The following NLK variants were observed in gnomAD, a reference collection of about 807,000 sequenced individuals.
The protein encoded by NLK is nemo like kinase, also known as serine/threonine-protein kinase NLK.
A neutral mutation model predicts 59.0 loss-of-function variants in NLK; 11 were observed. The ratio of observed to expected loss-of-function variants is 0.19; its 90% confidence interval spans 0.12 to 0.31. NLK has a LOEUF of 0.31. Among genes scored for constraint, NLK ranks in the 10% least tolerant of loss-of-function variants. The probability of loss-of-function intolerance (pLI) is 1.00; values close to 1 mark genes in which losing one functional copy is unlikely to be tolerated. For synonymous variants in NLK, 235 were observed against 235.9 expected, an observed-to-expected ratio of 1.00 and a Z score of 0.03; for missense variants, 410 against 661.1, an observed-to-expected ratio of 0.62 and a Z score of 4.16.
At chr17:28,144,396 C>CA (rs984366292) in intron 3 of NLK, among the ~76,000 whole-genome samples, 31,863 of 81,202 alleles carry the variant, frequency 0.39, 4,911 homozygotes, top group East Asian at 0.62. Flanking sequence ...CAGGTGAAGC[C>CA]AAAAAAAAAA....
chr17:28,128,819 A>C (rs956999378), intron 2 of NLK, among the ~76,000 whole-genome samples: 1 of 152,210 alleles, frequency 6.6e-6, no homozygotes, highest in Non-Finnish European at 1.5e-5. Context: ...AAGAGAAATG[A>C]ATGCATATAT....
chr17:28,130,054 T>C (rs1906454194), intron 2 of NLK, among the ~76,000 whole-genome samples: 1 of 152,240 alleles, frequency 6.6e-6, no homozygotes, highest in South Asian at 2.1e-4. Context: ...TAGACAAGTC[T>C]GCTTGTATTT....
At chr17:28,111,179 CTGTTTGTTCGTT>C (rs1354227819) in intron 1 of NLK, among the ~76,000 whole-genome samples, 8 of 150,464 alleles carry the variant, frequency 5.3e-5, no homozygotes, top group Admixed American at 2.0e-4. Context: ...GAAACAGTTT[CTGTTTGTTCGTT>C]TGTTTGTTCG....
intron 5 of NLK, 34 bp downstream of exon 5, chr17:28,163,662 A>T: frequency 8.1e-7 from 1 of 1,240,288 alleles, no homozygotes; most frequent in Non-Finnish European, 1.2e-6. Context: ...ACCTGGGAAA[A>T]ATCAGAATGT....
At chr17:28,115,229 C>T (rs73989106) in intron 1 of NLK, among the ~76,000 whole-genome samples, 1,704 of 152,186 alleles carry the variant, frequency 0.011, 29 homozygotes, top group African/African-American at 0.039. Flanking sequence ...GTGCAAGTCC[C>T]TTCTTCCTCC....
At chr17:28,051,111 G>A (rs147731187) in intron 1 of NLK, among the ~76,000 whole-genome samples, 2 of 150,114 alleles carry the variant, frequency 1.3e-5, no homozygotes, top group East Asian at 1.9e-4. Context: ...AGAAAATTAA[G>A]ATGGAGAAAA....
At chr17:28,089,883 TTG>T (rs1299576497) in intron 1 of NLK, among the ~76,000 whole-genome samples, 2 of 152,192 alleles carry the variant, frequency 1.3e-5, no homozygotes, top group African/African-American at 2.4e-5. Flanking sequence ...TTAAAAAAAA[TTG>T]TGTGTGTATT....
rs370252797 is a variant in NLK at position 28,132,663 on chromosome 17, A to G, written c.632A>G (p.Tyr211Cys). The G allele has an allele frequency of 1.6e-5, 25 of 1,609,952 alleles. No individual in the cohort carries two copies. The highest frequency in any genetic ancestry group is 1.3e-4 in the South Asian group (12 of 90,178). Residue 211 changes from tyrosine to cysteine, a missense_variant, in exon 3 of 11, where the codon TAT becomes TGT. Tyr to Cys is a radical substitution (Grantham distance 194, BLOSUM62 -2). Transcript: ENST00000407008. ...LDILQPPHID[Y>C]FEEIYVVTEL... is the part of the protein sequence containing the mutation. ...ATACTCCAACCTCCACACATTGACT[A>G]TTTTGAAGAAATGTATCCTAACCAG...
chr17:28,051,040 A>G (rs1909233839), intron 1 of NLK, among the ~76,000 whole-genome samples: 1 of 150,944 alleles, frequency 6.6e-6, no homozygotes, highest in Non-Finnish European at 1.5e-5. Flanking sequence ...ATATCACACC[A>G]CTGCACTCCA....
chr17:28,122,609 A>G lies in NLK; in HGVS notation c.465A>G (p.Val155=). ...CCAAATATTGCTTCTTTAGGTCAGT[A>G]ACAGATCCAAGAGATGGAAAGAGAG... ...GYGAFGVVWS[V]TDPRDGKRVA... Residue 155 remains valine (V), a synonymous_variant, in exon 2 of 11, where the codon GTA becomes GTG. Coordinates refer to ENST00000407008, the MANE Select transcript of NLK (RefSeq NM_016231.5). The G allele has an allele frequency of 1.9e-6, 3 of 1,613,818 alleles. No individual in the cohort carries two copies. The highest frequency in any genetic ancestry group is 2.5e-6 in the Non-Finnish European group (3 of 1,179,784).
intron 8 of NLK, among the ~76,000 whole-genome samples, chr17:28,188,748 G>A (rs1342698240): frequency 6.6e-6 from 1 of 152,150 alleles, no homozygotes. Context: ...GATTACAGGC[G>A]TGAGCCACTT....
chr17:28,070,707 T>C, intron 1 of NLK, among the ~76,000 whole-genome samples: 1 of 152,244 alleles, frequency 6.6e-6, no homozygotes. Context: ...TTTGTTGTTT[T>C]GTTTTTTAAA....
chr17:28,055,529 T>C (rs915437912), intron 1 of NLK, among the ~76,000 whole-genome samples: 2 of 151,962 alleles, frequency 1.3e-5, no homozygotes, highest in African/African-American at 4.8e-5. Flanking sequence ...GAGGTGGTGG[T>C]CCTGGGAGTC....
chr17:28,108,399 A>G (rs1905294670), intron 1 of NLK, among the ~76,000 whole-genome samples: 1 of 152,206 alleles, frequency 6.6e-6, no homozygotes, highest in African/African-American at 2.4e-5. Flanking sequence ...TAGCTATTAT[A>G]TAAAAATTAA....
chr17:28,066,805 G>A (rs767434786), intron 1 of NLK, among the ~76,000 whole-genome samples: 1 of 152,088 alleles, frequency 6.6e-6, no homozygotes, highest in East Asian at 1.9e-4. Context: ...ATTTTAATAG[G>A]TATGTAATAC....
At chr17:28,070,354 ATTTT>A (rs749066253) in intron 1 of NLK, among the ~76,000 whole-genome samples, 2 of 134,832 alleles carry the variant, frequency 1.5e-5, no homozygotes, top group African/African-American at 5.5e-5. Context: ...TCTGAAATTA[ATTTT>A]TTTTTTTTTT....
At chr17:28,180,085 C>T (rs954953347) in intron 7 of NLK, among the ~76,000 whole-genome samples, 1 of 151,978 alleles carries the variant, frequency 6.6e-6, no homozygotes, top group Non-Finnish European at 1.5e-5. Flanking sequence ...AAATTTTAAT[C>T]GTTGTCTTTC....
intron 8 of NLK, among the ~76,000 whole-genome samples, chr17:28,188,044 A>AT (rs1909183536): frequency 6.6e-6 from 1 of 152,190 alleles, no homozygotes; most frequent in South Asian, 2.1e-4. Context: ...AAAATTAAAA[A>AT]TTTTTTAAAT....
intron 2 of NLK, among the ~76,000 whole-genome samples, chr17:28,130,735 A>G (rs1454529470): frequency 6.6e-6 from 1 of 152,164 alleles, no homozygotes; most frequent in Non-Finnish European, 1.5e-5. Context: ...TACAGAGTTG[A>G]GAGTCCGAAA....
Sources: gnomAD v4.1 joint callset for allele counts (sites outside exome capture counted in the v4.1 genomes callset) on GRCh38, gnomAD v4.1.1 for gene constraint, MANE v1.5 for transcripts, NCBI Gene and HGNC (gene_info 2026-07-23, HGNC 2026-07-21) for gene names.